Variants in USP37 observed in about 807,000 individuals in gnomAD.
The protein encoded by USP37 is ubiquitin carboxyl-terminal hydrolase 37.
USP37 carries 27 observed loss-of-function variants against 124.0 expected under a neutral mutation model. The observed-to-expected ratio is 0.22, with a 90% CI of 0.16 to 0.30. The LOEUF (loss-of-function observed/expected upper bound fraction) is 0.30, where lower values mean the gene tolerates loss of function less well. Among genes scored for constraint, USP37 ranks in the 10% least tolerant of loss-of-function variants. USP37 has a pLI of 1.00. For synonymous variants in USP37, 365 were observed against 388.0 expected (o/e 0.94, Z 0.70); for missense variants, 889 against 1,140.4 (o/e 0.78, Z 3.17).
At chr2:218,551,942 G>A (rs1044041306) in intron 5 of USP37, among the ~76,000 whole-genome samples, 2 of 151,864 alleles carry the variant, frequency 1.3e-5, no homozygotes, top group Non-Finnish European at 2.9e-5. Context: ...ACAGGCACTC[G>A]CCACCATGCC....
chr2:218,507,844 C>T (rs1689761534), intron 11 of USP37, among the ~76,000 whole-genome samples: 1 of 151,884 alleles, frequency 6.6e-6, no homozygotes, highest in South Asian at 2.1e-4. Context: ...TATTCTGGTA[C>T]CACTGACATT....
intron 8 of USP37, among the ~76,000 whole-genome samples, chr2:218,536,857 T>G (rs1354142437): frequency 6.6e-6 from 1 of 152,194 alleles, no homozygotes; most frequent in Non-Finnish European, 1.5e-5. Flanking sequence ...CTGTTGCTGA[T>G]AGTAATACCT....
intron 19 of USP37, among the ~76,000 whole-genome samples, chr2:218,475,509 C>G (rs1690920272): frequency 6.6e-6 from 1 of 152,030 alleles, no homozygotes; most frequent in South Asian, 2.1e-4. Context: ...TCGAGGCCAG[C>G]AGATCACTTG....
Position 218,457,189 on chromosome 2 carries a change from T to A in USP37, c.2644-28A>T, listed in dbSNP as rs1454372049. ...GGAAAACAGAAGTGGGTATAACTTTTAAGTCTTCATTTGAATAAAAGCAAA... is the reference window on the plus strand; with the variant it reads ...GGAAAACAGAAGTGGGTATAACTTTAAAGTCTTCATTTGAATAAAAGCAAA... On this transcript the variant is annotated intron_variant, in intron 23 of 25. Transcript: ENST00000258399. The A allele has an allele frequency of 3.7e-6, 6 of 1,601,748 alleles. No individual in the cohort carries two copies. In the East Asian group the frequency reaches 1.1e-4, roughly 30 times the overall value.
chr2:218,554,983 C>G (rs765966165), intron 4 of USP37, among the ~76,000 whole-genome samples: 2 of 152,020 alleles, frequency 1.3e-5, no homozygotes, highest in Non-Finnish European at 2.9e-5. Context: ...ATTCAAAGAT[C>G]ATATGGACCT....
chr2:218,515,645 T>TTA (rs1340843435), intron 10 of USP37, among the ~76,000 whole-genome samples: 1 of 152,108 alleles, frequency 6.6e-6, no homozygotes, highest in Non-Finnish European at 1.5e-5. Flanking sequence ...GAGCAAAGAC[T>TTA]TCATGACTAA....
At chr2:218,484,764 T>C (rs192695378) in intron 16 of USP37, among the ~76,000 whole-genome samples, 27 of 152,218 alleles carry the variant, frequency 1.8e-4, no homozygotes, top group African/African-American at 6.3e-4. Context: ...TGACAGAATA[T>C]TGAAGCTAAT....
At chr2:218,473,930 G>A (rs559241279) in intron 20 of USP37, among the ~76,000 whole-genome samples, 2 of 152,272 alleles carry the variant, frequency 1.3e-5, no homozygotes, top group Admixed American at 1.3e-4. Flanking sequence ...ACATGGCATA[G>A]CTCCTGGGCT....
chr2:218,493,165 G>A (rs947188961), intron 14 of USP37, among the ~76,000 whole-genome samples: 3 of 152,130 alleles, frequency 2.0e-5, no homozygotes, highest in African/African-American at 4.8e-5. Context: ...GCAAGATGGG[G>A]CAGAGGATAA....
intron 14 of USP37, among the ~76,000 whole-genome samples, chr2:218,493,018 A>ATT (rs199723144): frequency 6.6e-6 from 1 of 151,548 alleles, no homozygotes; most frequent in African/African-American, 2.4e-5. Flanking sequence ...AAAAAAAAAA[A>ATT]ATTTTTTTCC....
chr2:218,507,884 A>G (rs1343966113), intron 11 of USP37, among the ~76,000 whole-genome samples: 1 of 152,214 alleles, frequency 6.6e-6, no homozygotes, highest in African/African-American at 2.4e-5. Flanking sequence ...TAGTTCTGCA[A>G]ACTACCAAGA....
At chr2:218,558,024 T>G (rs530386781) in intron 4 of USP37, among the ~76,000 whole-genome samples, 1 of 147,986 alleles carries the variant, frequency 6.8e-6, no homozygotes. Context: ...AAAATAGCTA[T>G]AAAGATAACC....
intron 22 of USP37, among the ~76,000 whole-genome samples, chr2:218,462,222 C>T (rs1045282567): frequency 6.6e-6 from 1 of 152,006 alleles, no homozygotes; most frequent in Non-Finnish European, 1.5e-5. Context: ...ATAGTCCCAG[C>T]TACTCAGGAG....
At chr2:218,512,142 G>T (rs968005643) in intron 10 of USP37, among the ~76,000 whole-genome samples, 4 of 152,140 alleles carry the variant, frequency 2.6e-5, no homozygotes, top group Admixed American at 2.0e-4. Flanking sequence ...CCAACGCTCT[G>T]GGAAGCTGAA....
intron 21 of USP37, among the ~76,000 whole-genome samples, chr2:218,464,301 G>T: frequency 6.6e-6 from 1 of 151,730 alleles, no homozygotes. Flanking sequence ...GCAGTAGCGT[G>T]ATCTTGGCCC....
intron 11 of USP37, among the ~76,000 whole-genome samples, chr2:218,508,672 T>C (rs190531515): frequency 2.2e-4 from 34 of 152,238 alleles, no homozygotes; most frequent in Admixed American, 1.4e-3. Context: ...GTTGAACAAT[T>C]AGAATGAAGA....
At chr2:218,509,861 T>A (rs1187213776) in intron 11 of USP37, 118 bp downstream of exon 11, 9 of 966,064 alleles carry the variant, frequency 9.3e-6, no homozygotes, top group Non-Finnish European at 1.3e-5. Flanking sequence ...TAATAAGTGA[T>A]CTAATTTCTA....
chr2:218,483,855 T>C (rs1691393902), intron 16 of USP37, among the ~76,000 whole-genome samples: 1 of 152,176 alleles, frequency 6.6e-6, no homozygotes, highest in Admixed American at 6.6e-5. Flanking sequence ...ACAAATTCTC[T>C]TAATCCAAAA....
chr2:218,535,410 T>C (rs1172465105), intron 8 of USP37, among the ~76,000 whole-genome samples: 2 of 143,282 alleles, frequency 1.4e-5, no homozygotes, highest in Non-Finnish European at 3.0e-5. Context: ...AGTTTATAGG[T>C]TTACAAAGAA....
Sources: allele counts gnomAD v4.1 joint callset (sites outside exome capture counted in the v4.1 genomes callset), GRCh38; gene constraint gnomAD v4.1.1; transcripts MANE v1.5; gene names NCBI Gene and HGNC (gene_info 2026-07-23, HGNC 2026-07-21).